Variants in GRHL2 observed in about 807,000 individuals in gnomAD.
GRHL2 encodes grainyhead-like protein 2 homolog.
GRHL2 carries 21 observed loss-of-function variants against 83.8 expected under a neutral mutation model. The observed-to-expected ratio is 0.25, with a 90% CI of 0.18 to 0.36. The LOEUF (loss-of-function observed/expected upper bound fraction) is 0.36. GRHL2 is among the 10% of genes least tolerant of loss of function. The pLI is 1.00. For missense variants in GRHL2, 623 were observed against 781.8 expected (o/e 0.80, Z 2.42); for synonymous variants, 280 against 278.9 (o/e 1.00, Z -0.04).
chr8:101,581,794 G>A (rs572166635), intron 7 of GRHL2, among the ~76,000 whole-genome samples: 3 of 152,210 alleles, frequency 2.0e-5, no homozygotes, highest in African/African-American at 4.8e-5. Context: ...AAGATATCAC[G>A]TGGTAAGTGG....
In GRHL2 at chr8:101,521,292, G is replaced by A. The variant is rs78214674; in HGVS notation, c.21-21949G>A. Among the ~76,000 whole-genome samples the A allele has an allele frequency of 3.6e-3, 549 of 152,270 alleles. 12 individuals are homozygous for A. The highest frequency in any genetic ancestry group is 0.027 in the Admixed American group (412 of 15,290). ...AGTCCCTGTTCCCCAAGAATGTGCC[G>A]CTTTGGTAGTCCTACCACACATGAT... is the stretch of plus-strand genomic sequence containing the variant. On this transcript the variant is annotated intron_variant, in intron 1 of 15. Coordinates refer to ENST00000646743, the MANE Select transcript of GRHL2 (RefSeq NM_024915.4).
chr8:101,652,554 ATG>A (rs1238188691), intron 14 of GRHL2, among the ~76,000 whole-genome samples: 1 of 20,214 alleles, frequency 4.9e-5, no homozygotes, highest in Admixed American at 5.8e-4. Flanking sequence ...TGTGGTGTGT[ATG>A]TGTGGTGGTG....
rs572646489 is a variant in GRHL2 at position 101,518,750 on chromosome 8, C to T, written c.21-24491C>T. ...TCTCTTTTCTCCCATACTAGAAAGACCCCCAAGTTCTTTCCATCTCTGCTA... is the reference window on the plus strand; with the variant it reads ...TCTCTTTTCTCCCATACTAGAAAGATCCCCAAGTTCTTTCCATCTCTGCTA... On this transcript the variant is annotated intron_variant, in intron 1 of 15. Coordinates refer to ENST00000646743, the MANE Select transcript of GRHL2 (RefSeq NM_024915.4). Among the ~76,000 whole-genome samples the T allele has an allele frequency of 1.4e-4, 22 of 152,316 alleles. No individual in the cohort carries two copies. In the East Asian group the frequency reaches 1.9e-3, roughly 13 times the overall value.
chr8:101,549,577 G>A (rs958006575), intron 2 of GRHL2, among the ~76,000 whole-genome samples: 2 of 152,154 alleles, frequency 1.3e-5, no homozygotes, highest in Admixed American at 6.5e-5. Flanking sequence ...GGGAGAGGGC[G>A]AGGGATGCTT....
At chr8:101,521,340 G>A (rs556002819) in intron 1 of GRHL2, among the ~76,000 whole-genome samples, 7 of 152,316 alleles carry the variant, frequency 4.6e-5, no homozygotes, top group Non-Finnish European at 1.0e-4. Context: ...GCAGCCCATG[G>A]CGAAGTGTGG....
intron 2 of GRHL2, chr8:101,544,165 G>T (rs1811213710): frequency 6.6e-6 from 1 of 152,192 alleles, no homozygotes. Context: ...CCATAATTTA[G>T]TTATTGCTCA....
At position 101,632,300 on chromosome 8, in the gene GRHL2, C is replaced by T; in HGVS notation, c.1420C>T (p.Leu474Phe). 1 of 1,614,094 alleles carries T rather than the reference C, an allele frequency of 6.2e-7. No individual in the cohort carries two copies. Among genetic ancestry groups the T allele is most frequent in the East Asian group, 2.2e-5 (1 of 44,874 alleles). The stretch of plus-strand genomic sequence containing the variant: ...CACCTACTTCAAAACCATGCCTGAT[C>T]TCCACTCACAGCCAGTTCTCTTCAT... ...DITYFKTMPD[L>F]HSQPVLFIPD... Residue 474 changes from leucine (L) to phenylalanine (F), a missense_variant, in exon 11 of 16, where the codon CTC (leucine) becomes TTC (phenylalanine). Leu to Phe is a conservative substitution (Grantham distance 22, BLOSUM62 0). Coordinates refer to ENST00000646743, the MANE Select transcript of GRHL2 (RefSeq NM_024915.4).
At chr8:101,504,136 G>A (rs1396451444) in intron 1 of GRHL2, among the ~76,000 whole-genome samples, 2 of 152,142 alleles carry the variant, frequency 1.3e-5, no homozygotes, top group African/African-American at 2.4e-5. Flanking sequence ...GCTTGTTGCA[G>A]GTAGAATTGA....
intron 14 of GRHL2, among the ~76,000 whole-genome samples, chr8:101,663,342 G>A (rs1813965141): frequency 6.6e-6 from 1 of 152,118 alleles, no homozygotes; most frequent in African/African-American, 2.4e-5. Context: ...GGCCGGGTGT[G>A]GTGGCTCACG....
At chr8:101,677,003 T>C in the GRHL2 span, among the ~76,000 whole-genome samples, 4 of 151,804 alleles carry the variant, frequency 2.6e-5, no homozygotes, top group Non-Finnish European at 4.4e-5. Context: ...TAGGTGGGAA[T>C]TGAACAATGA....
chr8:101,523,755 A>T (rs910203787), intron 1 of GRHL2, among the ~76,000 whole-genome samples: 1 of 152,152 alleles, frequency 6.6e-6, no homozygotes, highest in Non-Finnish European at 1.5e-5. Flanking sequence ...TTAGAATTAC[A>T]AGTGTGAGCC....
intron 1 of GRHL2, among the ~76,000 whole-genome samples, chr8:101,540,364 T>A (rs1193667172): frequency 2.0e-5 from 3 of 152,228 alleles, no homozygotes; most frequent in Non-Finnish European, 2.9e-5. Flanking sequence ...CTACTTCATG[T>A]CACCACAGTG....
chr8:101,667,443 G>T lies in GRHL2; in HGVS notation c.*740G>T, dbSNP rs1332269602. 1 of 153,222 alleles carries T rather than the reference G, an allele frequency of 6.5e-6. No individual in the cohort carries two copies. The highest frequency in any genetic ancestry group is 2.4e-5 in the African/African-American group (1 of 41,436). The allele number at this position is 153,222 out of a possible 1,614,324, so 9.5% of individuals were successfully genotyped here. On this transcript the variant is annotated 3_prime_UTR_variant, in exon 16 of 16. Coordinates refer to ENST00000646743, the MANE Select transcript of GRHL2 (RefSeq NM_024915.4). Reference sequence around the variant, plus strand: ...CACAGACCTGGAGACCGTTTTAATGGGGGTTTTTGCCTCTGTGCCTGTTCA... The same window carrying T: ...CACAGACCTGGAGACCGTTTTAATGTGGGTTTTTGCCTCTGTGCCTGTTCA...
chr8:101,509,031 T>C (rs1810395313), intron 1 of GRHL2, among the ~76,000 whole-genome samples: 1 of 152,130 alleles, frequency 6.6e-6, no homozygotes, highest in South Asian at 2.1e-4. Flanking sequence ...GGTCTGCCAC[T>C]ATTTTTCATT....
chr8:101,643,255 A>G (rs1430487489), intron 12 of GRHL2, among the ~76,000 whole-genome samples: 1 of 151,968 alleles, frequency 6.6e-6, no homozygotes, highest in Non-Finnish European at 1.5e-5. Flanking sequence ...AGAGACACTA[A>G]AAATTTCTAA....
At chr8:101,534,667 G>A (rs572221530) in intron 1 of GRHL2, among the ~76,000 whole-genome samples, 8 of 152,130 alleles carry the variant, frequency 5.3e-5, no homozygotes, top group African/African-American at 1.9e-4. Flanking sequence ...ATGGTGGCTT[G>A]GACCAGGGTG....
chr8:101,571,110 G>A (rs1364153754), intron 5 of GRHL2, among the ~76,000 whole-genome samples: 2 of 152,076 alleles, frequency 1.3e-5, no homozygotes, highest in Non-Finnish European at 2.9e-5. Context: ...CAGACAAATT[G>A]AAAAACATTT....
intron 9 of GRHL2, among the ~76,000 whole-genome samples, chr8:101,626,850 G>C (rs978376162): frequency 6.6e-5 from 10 of 152,086 alleles, no homozygotes. Context: ...TACTCGGAAG[G>C]TCTTGCTCAA....
In GRHL2 at chr8:101,636,899, G is replaced by A. The variant is rs758103534; in HGVS notation, c.1488G>A (p.Val496=). ...HFANLQRTGQ[V]YYNTDDEREG... ...AAGCCTATTGTTTTGTTCCACAGGT[G>A]TATTACAACACGGATGATGAACGAG... The change falls in exon 12 of 16, where the codon GTG becomes GTA. Residue 496 remains valine (V), a splice_region_variant and synonymous_variant. Coordinates refer to ENST00000646743, the MANE Select transcript of GRHL2 (RefSeq NM_024915.4). 3.1e-6 allele frequency: 5 copies of A among 1,613,564 alleles called. No individual in the cohort carries two copies. Among genetic ancestry groups the A allele is most frequent in the Non-Finnish European group, 4.2e-6 (5 of 1,179,552 alleles).
Sources: allele counts gnomAD v4.1 joint callset (sites outside exome capture counted in the v4.1 genomes callset), GRCh38; gene constraint gnomAD v4.1.1; transcripts MANE v1.5; gene names NCBI Gene and HGNC (gene_info 2026-07-23, HGNC 2026-07-21).